Variants in KLF12 observed in about 807,000 individuals in gnomAD.
The protein encoded by KLF12 is Krueppel-like factor 12.
A neutral mutation model predicts 37.8 loss-of-function variants in KLF12; 9 were observed. That is an observed-to-expected ratio of 0.24 (90% CI 0.14 to 0.42). KLF12 has a LOEUF of 0.42. Ranked by LOEUF, KLF12 falls within the 10% of genes least tolerant of loss-of-function variation. KLF12 has a pLI of 1.00. For missense variants in KLF12, 411 were observed against 516.0 expected, an observed-to-expected ratio of 0.80 and a Z score of 1.97; for synonymous variants, 208 against 202.1, an observed-to-expected ratio of 1.03 and a Z score of -0.25.
intron 1 of KLF12, among the ~76,000 whole-genome samples, chr13:74,089,804 A>G (rs571658240): frequency 9.9e-3 from 210 of 21,198 alleles, no homozygotes; most frequent in African/African-American, 0.022. Flanking sequence ...ATGCAGGGGG[A>G]AAAAAAAAAA....
In KLF12 at chr13:73,693,714, A is replaced by G. The variant is rs558270240; in HGVS notation, c.*1776T>C. On this transcript the variant is annotated 3_prime_UTR_variant, in exon 8 of 8. Coordinates refer to ENST00000377669, the MANE Select transcript of KLF12 (RefSeq NM_007249.5). ...GTGAGGTTAATATGTGCAATTCCCA[A>G]AATCAAGTGTTTGTAATTAAAATAT... 54 of 152,760 alleles carry G rather than the reference A, an allele frequency of 3.5e-4. No homozygotes were observed. The highest frequency in any genetic ancestry group is 1.2e-3 in the African/African-American group (49 of 41,576). 9.5% of individuals were successfully genotyped at this position (152,760 alleles called of 1,614,324 possible).
the KLF12 span, among the ~76,000 whole-genome samples, chr13:74,227,473 AT>A: frequency 6.6e-6 from 1 of 151,910 alleles, no homozygotes; most frequent in Non-Finnish European, 1.5e-5. Flanking sequence ...GTCTCTTCAT[AT>A]TTTTTTCCTC....
chr13:73,741,444 C>A (rs1463965098), intron 6 of KLF12, among the ~76,000 whole-genome samples: 5 of 152,160 alleles, frequency 3.3e-5, no homozygotes, highest in Admixed American at 3.3e-4. Flanking sequence ...AGGTAAGAAA[C>A]CTTGCTTTCA....
chr13:74,150,198 A>G, the KLF12 span, among the ~76,000 whole-genome samples: 7 of 152,146 alleles, frequency 4.6e-5, no homozygotes, highest in African/African-American at 1.7e-4. Flanking sequence ...GATGCTCAAT[A>G]TATATCTACT....
chr13:73,696,588 C>T (rs1874170058), intron 7 of KLF12, among the ~76,000 whole-genome samples: 1 of 152,158 alleles, frequency 6.6e-6, no homozygotes, highest in Non-Finnish European at 1.5e-5. Context: ...CTCTCTTCTG[C>T]CCCTTACACC....
rs1323853221 is a variant in KLF12, at chr13:74,133,841, A to ACACACACTCG, written c.-135_-134insCGAGTGTGTG. 6.6e-6 allele frequency among the ~76,000 whole-genome samples: 1 copy of ACACACACTCG among 151,328 alleles called. No individual in the cohort carries two copies. The highest frequency in any genetic ancestry group is 1.5e-5 in the Non-Finnish European group (1 of 67,732). On this transcript the variant is annotated 5_prime_UTR_variant, in exon 1 of 8. Transcript: ENST00000377669. ...CTCTCACACGCGCGCGCGCACACAC[A>ACACACACTCG]CACACACACTCGCACACACACGGCG...
the KLF12 span, among the ~76,000 whole-genome samples, chr13:74,183,929 C>A: frequency 6.6e-6 from 1 of 152,110 alleles, no homozygotes; most frequent in East Asian, 1.9e-4. Context: ...TAGAGAGAGA[C>A]CCTGTCTCAA....
In KLF12 at chr13:74,132,716, G is replaced by C. The variant is rs73531283; in HGVS notation, c.-32+1023C>G. Among the ~76,000 whole-genome samples the C allele has an allele frequency of 1.8e-3, 273 of 152,274 alleles. 1 individual carries two copies. Among genetic ancestry groups the C allele is most frequent in the African/African-American group, 6.2e-3 (259 of 41,556 alleles). On this transcript the variant is annotated intron_variant, in intron 1 of 7. Coordinates refer to ENST00000377669, the MANE Select transcript of KLF12 (RefSeq NM_007249.5). ...AAAACTCGAAGCGCAGGGTGAAGGG[G>C]GTTGGGAAGCTGCAGGGCATATAAC...
intron 2 of KLF12, among the ~76,000 whole-genome samples, chr13:73,970,527 T>G (rs964871969): frequency 2.6e-5 from 4 of 152,204 alleles, no homozygotes; most frequent in African/African-American, 9.6e-5. Context: ...TCGAGCCATT[T>G]TGGGCAGGCT....
chr13:73,903,302 A>C (rs1328219894), intron 3 of KLF12, among the ~76,000 whole-genome samples: 2 of 152,148 alleles, frequency 1.3e-5, no homozygotes, highest in Admixed American at 6.5e-5. Flanking sequence ...GGCAATAAAC[A>C]CTAAAATTAA....
chr13:73,796,463 T>C (rs948211340), intron 5 of KLF12, among the ~76,000 whole-genome samples: 1 of 151,856 alleles, frequency 6.6e-6, no homozygotes, highest in Non-Finnish European at 1.5e-5. Flanking sequence ...TTCTCTAAGC[T>C]TTCTCCCTCT....
At chr13:73,811,981 T>C (rs1002123053) in intron 5 of KLF12, among the ~76,000 whole-genome samples, 4 of 152,144 alleles carry the variant, frequency 2.6e-5, no homozygotes, top group African/African-American at 9.7e-5. Context: ...AGGTATTTAA[T>C]CAACATTTGG....
At chr13:74,006,323 A>T (rs17061915) in intron 1 of KLF12, among the ~76,000 whole-genome samples, 9,717 of 152,182 alleles carry the variant, frequency 0.064, 538 homozygotes, top group African/African-American at 0.15. Flanking sequence ...CTCTCCCTAC[A>T]GAGGTATCTT....
intron 5 of KLF12, among the ~76,000 whole-genome samples, chr13:73,802,689 T>C (rs1348173219): frequency 3.3e-5 from 5 of 152,156 alleles, no homozygotes; most frequent in African/African-American, 9.7e-5. Context: ...ACCCACTATG[T>C]AGCACCCACT....
At chr13:74,162,280 C>T in the KLF12 span, among the ~76,000 whole-genome samples, 1 of 152,336 alleles carries the variant, frequency 6.6e-6, no homozygotes, top group East Asian at 1.9e-4. Flanking sequence ...CTACTGTCCT[C>T]CTCCTCATCA....
intron 3 of KLF12, among the ~76,000 whole-genome samples, chr13:73,884,440 G>T (rs765005220): frequency 5.3e-5 from 8 of 152,170 alleles, no homozygotes; most frequent in Non-Finnish European, 8.8e-5. Context: ...TAAAAGAAAA[G>T]ACTTTTGATA....
chr13:73,751,875 T>C (rs1025886594), intron 6 of KLF12, among the ~76,000 whole-genome samples: 1 of 152,168 alleles, frequency 6.6e-6, no homozygotes, highest in Non-Finnish European at 1.5e-5. Flanking sequence ...GCTGACAGCA[T>C]GTGCACGTGG....
At chr13:73,771,680 C>T (rs368431035) in intron 5 of KLF12, among the ~76,000 whole-genome samples, 16 of 152,138 alleles carry the variant, frequency 1.1e-4, no homozygotes, top group Admixed American at 2.6e-4. Flanking sequence ...AGGATCCCTG[C>T]CCTCAGGCAG....
chr13:74,209,010 A>G, the KLF12 span, among the ~76,000 whole-genome samples: 1 of 152,100 alleles, frequency 6.6e-6, no homozygotes, highest in East Asian at 1.9e-4. Context: ...TCTTATCTCA[A>G]TTCAGTTAAA....
Sources: gnomAD v4.1 joint callset for allele counts (sites outside exome capture counted in the v4.1 genomes callset) on GRCh38, gnomAD v4.1.1 for gene constraint, MANE v1.5 for transcripts, NCBI Gene and HGNC (gene_info 2026-07-23, HGNC 2026-07-21) for gene names.